Variants in NMNAT2 observed in about 807,000 individuals in gnomAD.
NMNAT2 encodes nicotinamide/nicotinic acid mononucleotide adenylyltransferase 2.
In NMNAT2, 11 loss-of-function variants were observed where a neutral mutation model predicts 41.6. The ratio of observed to expected loss-of-function variants is 0.26; its 90% CI spans 0.17 to 0.44. The LOEUF is 0.44. Among genes scored for constraint, NMNAT2 ranks in the 20% least tolerant of loss-of-function variants. The probability of loss-of-function intolerance (pLI) is 1.00; values close to 1 mark genes in which losing one functional copy is unlikely to be tolerated. For missense variants in NMNAT2, 288 were observed against 407.7 expected, an observed-to-expected ratio of 0.71 and a Z score of 2.53; for synonymous variants, 148 against 151.2, an observed-to-expected ratio of 0.98 and a Z score of 0.16.
intron 7 of NMNAT2, among the ~76,000 whole-genome samples, chr1:183,279,010 C>T (rs993727576): frequency 6.6e-6 from 1 of 152,174 alleles, no homozygotes; most frequent in Non-Finnish European, 1.5e-5. Flanking sequence ...CTCTCTTGCT[C>T]CCTGTCAAGC....
chr1:183,341,488 G>A (rs1364238522), intron 1 of NMNAT2, among the ~76,000 whole-genome samples: 1 of 143,214 alleles, frequency 7.0e-6, no homozygotes, highest in East Asian at 2.0e-4. Flanking sequence ...GACCAGCCTG[G>A]GAAACATAGC....
chr1:183,297,052 A>G (rs1192016245), intron 1 of NMNAT2, among the ~76,000 whole-genome samples: 3 of 150,746 alleles, frequency 2.0e-5, no homozygotes, highest in African/African-American at 2.4e-5. Context: ...CTGTCCTCCA[A>G]ATAGTGCCTT....
chr1:183,375,785 C>A (rs1175534486), intron 1 of NMNAT2, among the ~76,000 whole-genome samples: 2 of 115,406 alleles, frequency 1.7e-5, no homozygotes, highest in African/African-American at 5.3e-5. Context: ...AGAACAAAGC[C>A]TCTCAGAGTA....
At chr1:183,402,034 C>G (rs1411021762) in intron 1 of NMNAT2, among the ~76,000 whole-genome samples, 1 of 151,780 alleles carries the variant, frequency 6.6e-6, no homozygotes, top group African/African-American at 2.4e-5. Flanking sequence ...CAAACCTGCA[C>G]GTTGTGCACA....
At position 183,377,729 on chromosome 1, in the gene NMNAT2, G is replaced by A. The variant is rs1459531283; in HGVS notation, c.85+40454C>T. 2.0e-5 allele frequency among the ~76,000 whole-genome samples: 3 copies of A among 152,082 alleles called. No individual in the cohort carries two copies. In the East Asian group the frequency reaches 5.8e-4, roughly 29 times the overall value. On this transcript the variant is annotated intron_variant, in intron 1 of 10. Transcript: ENST00000287713. ...CAACAATAACAACAAAAAGTACAAG[G>A]CAACAAAAAGGCAAAGAAAAACGAA...
chr1:183,386,309 C>T (rs577704833), intron 1 of NMNAT2, among the ~76,000 whole-genome samples: 1 of 152,176 alleles, frequency 6.6e-6, no homozygotes, highest in South Asian at 2.1e-4. Flanking sequence ...AAAAAAATCC[C>T]TCAGGAAAGA....
rs1475480146 is a variant in NMNAT2 at position 183,341,749 on chromosome 1, C to CAAAAAAAAAAAAAAAAAAAAAAAAA, written c.86-47957_86-47956insTTTTTTTTTTTTTTTTTTTTTTTTT. 1.0e-3 allele frequency among the ~76,000 whole-genome samples: 32 copies of CAAAAAAAAAAAAAAAAAAAAAAAAA among 31,680 alleles called. 3 individuals are homozygous for CAAAAAAAAAAAAAAAAAAAAAAAAA. Among genetic ancestry groups the CAAAAAAAAAAAAAAAAAAAAAAAAA allele is most frequent in the Non-Finnish European group, 1.3e-3 (20 of 15,550 alleles). 20.8% of individuals were successfully genotyped at this position (31,680 alleles called of 152,430 possible). The stretch of plus-strand genomic sequence containing the variant: ...CCAAAAAAAAAAAAAAAAAAAAAAC[C>CAAAAAAAAAAAAAAAAAAAAAAAAA]TGTTTCCTTCACTCCAGGTTACTTT... On this transcript the variant is annotated intron_variant, in intron 1 of 10. Transcript: ENST00000287713.
chr1:183,260,257 C>A (rs563078109), intron 10 of NMNAT2, among the ~76,000 whole-genome samples: 1 of 152,304 alleles, frequency 6.6e-6, no homozygotes, highest in South Asian at 2.1e-4. Flanking sequence ...CTGAGAAGAG[C>A]CACTGTTGCA....
intron 1 of NMNAT2, among the ~76,000 whole-genome samples, chr1:183,312,586 T>A (rs1422696141): frequency 6.6e-6 from 1 of 151,618 alleles, no homozygotes; most frequent in Non-Finnish European, 1.5e-5. Flanking sequence ...AAAAAAGACA[T>A]ATTGGTGACA....
chr1:183,357,814 G>A (rs1459150769), intron 1 of NMNAT2, among the ~76,000 whole-genome samples: 2 of 152,084 alleles, frequency 1.3e-5, no homozygotes, highest in African/African-American at 4.8e-5. Flanking sequence ...TTTGGAAAGT[G>A]TCTGTTCATG....
intron 1 of NMNAT2, among the ~76,000 whole-genome samples, chr1:183,417,854 G>C (rs754477561): frequency 5.9e-5 from 9 of 152,066 alleles, no homozygotes; most frequent in Admixed American, 2.0e-4. Context: ...TCGCCAGCCT[G>C]GTAGCCGAAC....
chr1:183,363,002 TG>T (rs1223269689), intron 1 of NMNAT2, among the ~76,000 whole-genome samples: 1 of 152,216 alleles, frequency 6.6e-6, no homozygotes, highest in East Asian at 1.9e-4. Context: ...GGGCGTGAAG[TG>T]GTATCTCACT....
In NMNAT2 at chr1:183,365,804, A is replaced by T. The variant is rs148687373; in HGVS notation, c.85+52379T>A. The stretch of plus-strand genomic sequence containing the variant: ...AGAGATGTCTGAGACACGGTGTTGT[A>T]TAAACCCCAGGTATGTGGCTCCCTG... On this transcript the variant is annotated intron_variant, in intron 1 of 10. Transcript: ENST00000287713. Among the ~76,000 whole-genome samples the T allele has an allele frequency of 7.4e-4, 112 of 152,216 alleles. No homozygotes were observed. In the East Asian group the frequency reaches 0.021, roughly 28 times the overall value.
At chr1:183,264,214 G>A (rs1215523468) in intron 8 of NMNAT2, among the ~76,000 whole-genome samples, 2 of 152,038 alleles carry the variant, frequency 1.3e-5, no homozygotes, top group African/African-American at 4.8e-5. Context: ...TATAAAGTGA[G>A]CATTCTAATT....
rs137936356 is a variant in NMNAT2 at position 183,284,754 on chromosome 1, C to T, written c.485G>A (p.Arg162Gln). 2.3e-4 allele frequency: 379 copies of T among 1,614,142 alleles called. No individual in the cohort carries two copies. Among genetic ancestry groups the T allele is most frequent in the Non-Finnish European group, 3.0e-4 (358 of 1,180,004 alleles). Residue 162 changes from arginine to glutamine, a missense_variant, in exon 6 of 11, where the codon CGG (arginine) becomes CAG (glutamine). Physicochemically the swap from Arg to Gln is conservative, Grantham distance 43. Transcript: ENST00000287713. Reference protein sequence around the residue: ...ILGKVGESLSRICCVRPPVER... With the variant: ...ILGKVGESLSQICCVRPPVER... ...CACCGGCGGGCGGACACAGCAGATC[C>T]GGCTGAGGCTTTCTCCCACCTTCCC...
rs547386552 is a variant in NMNAT2 at position 183,381,048 on chromosome 1, G to A, written c.85+37135C>T. Among the ~76,000 whole-genome samples, 370 of 152,274 alleles carry A rather than the reference G, an allele frequency of 2.4e-3. 3 individuals are homozygous for A. Among genetic ancestry groups the A allele is most frequent in the African/African-American group, 7.9e-3 (328 of 41,538 alleles). On this transcript the variant is annotated intron_variant, in intron 1 of 10. Coordinates refer to ENST00000287713, the MANE Select transcript of NMNAT2 (RefSeq NM_015039.4). ...TTCAGTGGTCCAGGGATGATATAAT[G>A]AGGAGCTGGATCAACCATTGTGAGA...
At chr1:183,356,019 G>A (rs1663176799) in intron 1 of NMNAT2, among the ~76,000 whole-genome samples, 1 of 152,196 alleles carries the variant, frequency 6.6e-6, no homozygotes, top group African/African-American at 2.4e-5. Flanking sequence ...CACTCCGGAG[G>A]TGGGGCATCT....
chr1:183,387,082 A>G (rs1648268742), intron 1 of NMNAT2, among the ~76,000 whole-genome samples: 1 of 151,602 alleles, frequency 6.6e-6, no homozygotes, highest in South Asian at 2.1e-4. Flanking sequence ...CAATAATAAT[A>G]TCATACATAA....
At chr1:183,297,250 G>C (rs2102313130) in intron 1 of NMNAT2, among the ~76,000 whole-genome samples, 1 of 151,954 alleles carries the variant, frequency 6.6e-6, no homozygotes, top group Non-Finnish European at 1.5e-5. Context: ...TCTTTGCAAA[G>C]TTGTTGTGAG....
Sources: allele counts gnomAD v4.1 joint callset (sites outside exome capture counted in the v4.1 genomes callset), GRCh38; gene constraint gnomAD v4.1.1; transcripts MANE v1.5; gene names NCBI Gene and HGNC (gene_info 2026-07-23, HGNC 2026-07-21).